MOK: variants seen among roughly 807,000 people sequenced by gnomAD.
The protein encoded by MOK is MOK protein kinase.
A neutral mutation model predicts 54.2 loss-of-function variants in MOK; 59 were observed. The observed-to-expected ratio is 1.09, with a 90% confidence interval of 0.88 to 1.35. MOK has a LOEUF of 1.35. Among genes scored for constraint, MOK ranks in the 40% most tolerant of loss-of-function variants. The pLI, the probability that MOK is intolerant of heterozygous loss-of-function variation, is 0.00. For synonymous variants in MOK, 210 were observed against 202.7 expected (o/e 1.04, Z -0.31); for missense variants, 517 against 526.2 (o/e 0.98, Z 0.17).
At chr14:102,219,679 A>G (rs895256798), downstream of MOK, among the ~76,000 whole-genome samples, 13 of 152,248 alleles carry the variant, frequency 8.5e-5, no homozygotes, top group Admixed American at 1.3e-4. Flanking sequence ...CCGGTGGCCA[A>G]CGTGCTTCCT....
At chr14:102,233,867 C>G in intron 7 of MOK, 78 bp from the exon 8 acceptor site, 1 of 1,062,722 alleles carries the variant, frequency 9.4e-7, no homozygotes. Flanking sequence ...CCATCTGGAC[C>G]GCACAAGGGG....
the MOK span, among the ~76,000 whole-genome samples, chr14:102,215,527 A>T: frequency 3.9e-5 from 6 of 152,102 alleles, no homozygotes; most frequent in African/African-American, 7.2e-5. Flanking sequence ...ATAGGGATGC[A>T]TGTGCCACGG....
rs1182325344 is a variant in MOK at position 102,233,778 on chromosome 14, A to G, written c.602T>C (p.Leu201Pro). The G allele has an allele frequency of 4.3e-6, 7 of 1,613,590 alleles. No individual in the cohort carries two copies. The highest frequency in any genetic ancestry group is 4.0e-5 in the African/African-American group (3 of 74,902). Reference sequence around the variant, plus strand: ...GTCCAGTTCATTTACTCCAGGAAAGAGGGGCTGCAGACTGGAAGGGCAGAA... The same window carrying G: ...GTCCAGTTCATTTACTCCAGGAAAGGGGGGCTGCAGACTGGAAGGGCAGAA... The part of the protein sequence containing the change: ...VFYEIASLQP[L>P]FPGVNELDQI... Residue 201 changes from leucine to proline, a missense_variant, in exon 8 of 12, where the codon CTC becomes CCC. Transcript: ENST00000361847.
intron 2 of MOK, among the ~76,000 whole-genome samples, chr14:102,274,389 C>G (rs534369876): frequency 6.6e-6 from 1 of 151,038 alleles, no homozygotes; most frequent in African/African-American, 2.4e-5. Context: ...CAAGCAGCTG[C>G]GACTACAGGT....
intron 7 of MOK, among the ~76,000 whole-genome samples, chr14:102,243,995 C>T (rs771871810): frequency 3.9e-4 from 60 of 152,242 alleles, no homozygotes; most frequent in Non-Finnish European, 4.7e-4. Flanking sequence ...AATATTTATA[C>T]TGACTCTAAA....
At chr14:102,216,968 G>A in the MOK span, among the ~76,000 whole-genome samples, 8 of 152,164 alleles carry the variant, frequency 5.3e-5, no homozygotes, top group African/African-American at 1.9e-4. Context: ...ATGTGTGGCT[G>A]CCTGTCAGAA....
intron 1 of MOK, among the ~76,000 whole-genome samples, chr14:102,290,216 G>C (rs11620771): frequency 1.3e-5 from 2 of 151,494 alleles, no homozygotes; most frequent in Admixed American, 1.3e-4. Flanking sequence ...GAGGTGGGCA[G>C]ATCATCTGAG....
chr14:102,296,865 C>A (rs1185407281), intron 1 of MOK, among the ~76,000 whole-genome samples: 5 of 151,994 alleles, frequency 3.3e-5, no homozygotes, highest in African/African-American at 1.2e-4. Flanking sequence ...CGAGACAAGC[C>A]TGGCCAATAT....
intron 2 of MOK, among the ~76,000 whole-genome samples, chr14:102,275,233 T>C (rs969558915): frequency 1.3e-5 from 2 of 152,096 alleles, no homozygotes; most frequent in Non-Finnish European, 2.9e-5. Flanking sequence ...AAAAAACTGA[T>C]GCTTGATCCC....
downstream of MOK, among the ~76,000 whole-genome samples, chr14:102,221,331 C>T (rs2063868342): frequency 6.6e-6 from 1 of 152,208 alleles, no homozygotes; most frequent in South Asian, 2.1e-4. The surrounding 1 kb of genome is among the most constrained non-coding windows in gnomAD (Gnocchi z 4.8). Flanking sequence ...TTTGTCACTT[C>T]CTGGACACCA....
At chr14:102,272,412 G>A (rs887317625) in intron 2 of MOK, among the ~76,000 whole-genome samples, 2 of 151,926 alleles carry the variant, frequency 1.3e-5, no homozygotes, top group African/African-American at 4.8e-5. Context: ...TTGAGGCGGA[G>A]GTTGCAGTGA....
the MOK span, among the ~76,000 whole-genome samples, chr14:102,218,714 C>G: frequency 4.6e-4 from 70 of 151,888 alleles, no homozygotes; most frequent in Non-Finnish European, 8.8e-4. Context: ...GGGAGCCAAG[C>G]AGCTGACTAA....
intron 1 of MOK, among the ~76,000 whole-genome samples, chr14:102,300,323 CAAAAAAAAAAA>C (rs71468398): frequency 5.5e-4 from 21 of 38,482 alleles, no homozygotes; most frequent in African/African-American, 1.8e-3. Flanking sequence ...AACTCTATCT[CAAAAAAAAAAA>C]AAAAAAAAAA....
At chr14:102,244,564 C>A (rs1260628967) in intron 7 of MOK, among the ~76,000 whole-genome samples, 1 of 152,198 alleles carries the variant, frequency 6.6e-6, no homozygotes, top group African/African-American at 2.4e-5. Context: ...CCTCCCTTCC[C>A]TACACATCAA....
intron 1 of MOK, among the ~76,000 whole-genome samples, chr14:102,296,895 T>C (rs1242473120): frequency 6.6e-6 from 1 of 151,686 alleles, no homozygotes; most frequent in Non-Finnish European, 1.5e-5. Context: ...CTGTCTCTAC[T>C]AAAAATACAA....
chr14:102,270,691 AAC>A (rs1399916301), intron 2 of MOK, among the ~76,000 whole-genome samples: 20 of 152,354 alleles, frequency 1.3e-4, no homozygotes, highest in Admixed American at 1.0e-3. Flanking sequence ...TTCCTCAAAA[AAC>A]ACAGTTACCA....
Position 102,231,404 on chromosome 14 carries a change from G to C in MOK, c.981+303C>G. The stretch of plus-strand genomic sequence containing the variant: ...TGCTTTGGCATAGAACCTGGCACCT[G>C]CATATGGTCATCAGGACAGACACAA... On this transcript the variant is annotated intron_variant, in intron 10 of 11. Coordinates refer to ENST00000361847, the MANE Select transcript of MOK (RefSeq NM_014226.3). The surrounding 1 kb of genome is among the most constrained non-coding windows in gnomAD (Gnocchi z 4.4). 1 of 269,804 alleles carries C rather than the reference G, an allele frequency of 3.7e-6. No homozygotes were observed. The highest frequency in any genetic ancestry group is 7.0e-6 in the Non-Finnish European group (1 of 142,230). The allele number at this position is 269,804 out of a possible 1,614,324, so 16.7% of individuals were successfully genotyped here. A position where few individuals can be genotyped will look rare whatever the true frequency, so the allele number is the denominator to read the frequency against.
chr14:102,243,500 C>T (rs2065869616), intron 7 of MOK, among the ~76,000 whole-genome samples: 2 of 152,348 alleles, frequency 1.3e-5, no homozygotes, highest in African/African-American at 4.8e-5. Context: ...CACCCTAACA[C>T]TTTTAGAGGC....
chr14:102,265,477 C>CAAA (rs1483714143), intron 3 of MOK, among the ~76,000 whole-genome samples: 1 of 151,980 alleles, frequency 6.6e-6, no homozygotes, highest in Non-Finnish European at 1.5e-5. Flanking sequence ...ACTAAAAATA[C>CAAA]AAAAATTAGC....
Sources: allele counts gnomAD v4.1 joint callset (sites outside exome capture counted in the v4.1 genomes callset), GRCh38; gene constraint gnomAD v4.1.1; non-coding constraint Gnocchi (gnomAD v3.1); transcripts MANE v1.5; gene names NCBI Gene and HGNC (gene_info 2026-07-23, HGNC 2026-07-21).